The following NELL1 variants were observed in gnomAD, a reference collection of about 807,000 sequenced individuals.
NELL1 encodes protein kinase C-binding protein NELL1.
NELL1 carries 76 observed loss-of-function variants against 107.4 expected under a neutral mutation model. The observed-to-expected ratio is 0.71, with a 90% CI of 0.59 to 0.86. The LOEUF (loss-of-function observed/expected upper bound fraction) is 0.86, where lower values mean the gene tolerates loss of function less well. NELL1 is among the 40% of genes least tolerant of loss of function. NELL1 has a pLI of 0.00. For synonymous variants in NELL1, 353 were observed against 341.2 expected, an observed-to-expected ratio of 1.03 and a Z score of -0.38; for missense variants, 1,024 against 1,005.5, an observed-to-expected ratio of 1.02 and a Z score of -0.25.
intron 2 of NELL1, among the ~76,000 whole-genome samples, chr11:20,754,481 T>C (rs113283642): frequency 1.0e-3 from 156 of 152,290 alleles, no homozygotes; most frequent in African/African-American, 3.7e-3. Context: ...GTCACAGTTG[T>C]ATTTGTCAAA....
At chr11:20,920,149 C>CCAAT (rs1850346328) in intron 7 of NELL1, among the ~76,000 whole-genome samples, 2 of 152,044 alleles carry the variant, frequency 1.3e-5, no homozygotes, top group African/African-American at 4.8e-5. Context: ...TGTTATGATA[C>CCAAT]CAATCAGTTG....
At position 21,169,986 on chromosome 11, in the gene NELL1, G is replaced by A. The variant is rs527393412; in HGVS notation, c.1426+56272G>A. 129 of 1,330,970 alleles carry A rather than the reference G, an allele frequency of 9.7e-5. No individual in the cohort carries two copies. In the African/African-American group the frequency reaches 1.1e-3, roughly 11 times the overall value. The allele number at this position is 1,330,970 out of a possible 1,614,324, so 82.4% of individuals were successfully genotyped here. On this transcript the variant is annotated intron_variant, in intron 13 of 19. Transcript: ENST00000357134. The stretch of plus-strand genomic sequence containing the variant: ...GTAGGGGACAGGGACAGTGCAATGC[G>A]GGCTCCTCAGGCTTTTGAGCACTCA...
At chr11:21,302,729 A>G (rs1469936840) in intron 14 of NELL1, among the ~76,000 whole-genome samples, 15 of 151,946 alleles carry the variant, frequency 9.9e-5, no homozygotes, top group African/African-American at 2.9e-4. Flanking sequence ...CTGTGAGTGA[A>G]ACACTGCTCT....
chr11:21,566,197 C>A (rs12789220), intron 17 of NELL1, among the ~76,000 whole-genome samples: 63,020 of 151,674 alleles, frequency 0.42, 14,180 homozygotes, highest in Non-Finnish European at 0.51. Context: ...CGTGGGCATC[C>A]GTTTTCCAAC....
At chr11:21,246,040 A>C (rs1428814032) in intron 14 of NELL1, among the ~76,000 whole-genome samples, 1 of 152,154 alleles carries the variant, frequency 6.6e-6, no homozygotes, top group African/African-American at 2.4e-5. Flanking sequence ...TTTGACTCAA[A>C]GAATGTTGAA....
At position 21,353,657 on chromosome 11, in the gene NELL1, C is replaced by A. The variant is rs139945526; in HGVS notation, c.1550-17196C>A. Among the ~76,000 whole-genome samples the A allele has an allele frequency of 7.8e-4, 119 of 152,284 alleles. 1 individual carries two copies. The highest frequency in any genetic ancestry group is 2.7e-3 in the African/African-American group (112 of 41,566). On this transcript the variant is annotated intron_variant, in intron 14 of 19. Transcript: ENST00000357134. ...AGCATGAAAGCAGCTATTAATCAGA[C>A]ACGCTCGCTTAAGAGGACCCTGGGT...
chr11:20,806,011 A>G (rs1195139765), intron 3 of NELL1, among the ~76,000 whole-genome samples: 1 of 152,046 alleles, frequency 6.6e-6, no homozygotes, highest in Non-Finnish European at 1.5e-5. Flanking sequence ...TACTTAAATT[A>G]TAAGTAGTTT....
chr11:21,563,187 TTTTCATA>T (rs1856891585), intron 17 of NELL1, among the ~76,000 whole-genome samples: 2 of 152,108 alleles, frequency 1.3e-5, no homozygotes, highest in Non-Finnish European at 2.9e-5. Flanking sequence ...GCCCAGCGTC[TTTTCATA>T]GATACCCATC....
chr11:21,463,726 A>G (rs114497811), intron 15 of NELL1, among the ~76,000 whole-genome samples: 135 of 152,232 alleles, frequency 8.9e-4, no homozygotes, highest in African/African-American at 3.1e-3. Context: ...ACTTAGTGGC[A>G]TAAGACAATG....
At chr11:20,788,481 T>G (rs191889703) in intron 3 of NELL1, among the ~76,000 whole-genome samples, 1 of 152,320 alleles carries the variant, frequency 6.6e-6, no homozygotes, top group Admixed American at 6.5e-5. Flanking sequence ...TTCATAAGCT[T>G]ATTGACGATT....
At chr11:20,984,190 T>A (rs1178692513) in intron 12 of NELL1, among the ~76,000 whole-genome samples, 3 of 152,196 alleles carry the variant, frequency 2.0e-5, no homozygotes, top group African/African-American at 7.2e-5. Flanking sequence ...TTGTAGGATT[T>A]CTCAATGATT....
chr11:20,938,009 G>A (rs540800694), intron 10 of NELL1, 150 bp downstream of exon 10: 44 of 689,878 alleles, frequency 6.4e-5, no homozygotes, highest in Admixed American at 5.3e-4. Context: ...ACATGATGGC[G>A]AGGATCCAGC....
At chr11:20,686,011 TG>T (rs1854297022) in intron 2 of NELL1, among the ~76,000 whole-genome samples, 1 of 152,022 alleles carries the variant, frequency 6.6e-6, no homozygotes, top group Non-Finnish European at 1.5e-5. Flanking sequence ...TGTCTGGAAA[TG>T]GGACGAATAA....
At chr11:20,791,005 T>C (rs1456481652) in intron 3 of NELL1, among the ~76,000 whole-genome samples, 1 of 152,242 alleles carries the variant, frequency 6.6e-6, no homozygotes, top group Non-Finnish European at 1.5e-5. Context: ...GTTTGGAAAT[T>C]GATGAATCTT....
chr11:20,803,679 G>A (rs989326673), intron 3 of NELL1, among the ~76,000 whole-genome samples: 1 of 151,962 alleles, frequency 6.6e-6, no homozygotes, highest in Non-Finnish European at 1.5e-5. Context: ...TTTTGATGTT[G>A]GTTTTGATGG....
At chr11:21,114,754 A>G (rs1179069722) in intron 13 of NELL1, among the ~76,000 whole-genome samples, 2 of 151,982 alleles carry the variant, frequency 1.3e-5, no homozygotes, top group Non-Finnish European at 2.9e-5. Flanking sequence ...TCTTTTACAT[A>G]TTATAATTAA....
chr11:21,212,978 GT>G (rs1857533680), intron 13 of NELL1, among the ~76,000 whole-genome samples: 1 of 152,138 alleles, frequency 6.6e-6, no homozygotes, highest in Non-Finnish European at 1.5e-5. Context: ...TTATAAAAAT[GT>G]TGTAGAACTA....
At chr11:20,750,981 G>T (rs1856120720) in intron 2 of NELL1, among the ~76,000 whole-genome samples, 1 of 152,100 alleles carries the variant, frequency 6.6e-6, no homozygotes, top group African/African-American at 2.4e-5. Context: ...GTGTTGAAAA[G>T]ACTTTTCCTA....
At position 21,575,103 on chromosome 11, in the gene NELL1, T is replaced by C; in HGVS notation, c.*81T>C. 2 of 1,282,770 alleles carry C rather than the reference T, an allele frequency of 1.6e-6. No individual in the cohort carries two copies. The highest frequency in any genetic ancestry group is 1.2e-5 in the South Asian group (1 of 82,170). The allele number at this position is 1,282,770 out of a possible 1,614,324, so 79.5% of individuals were successfully genotyped here. A position where few individuals can be genotyped will look rare whatever the true frequency, so the allele number is the denominator to read the frequency against. On this transcript the variant is annotated 3_prime_UTR_variant, in exon 20 of 20. Coordinates refer to ENST00000357134, the MANE Select transcript of NELL1 (RefSeq NM_006157.5). ...TTAAGGATAGGAATCGGTAGTTTGG[T>C]TTTTTTGTTTGTTTTGTTTTTTTAA...
Sources: allele counts gnomAD v4.1 joint callset (sites outside exome capture counted in the v4.1 genomes callset), GRCh38; gene constraint gnomAD v4.1.1; transcripts MANE v1.5; gene names NCBI Gene and HGNC (gene_info 2026-07-23, HGNC 2026-07-21).